ZNF385D: variants seen among roughly 807,000 people sequenced by gnomAD.
The protein encoded by ZNF385D is zinc finger protein 659.
A neutral mutation model predicts 35.8 loss-of-function variants in ZNF385D; 15 were observed. The ratio of observed to expected loss-of-function variants is 0.42; its 90% CI spans 0.28 to 0.64. The LOEUF (loss-of-function observed/expected upper bound fraction) is 0.64. Ranked by LOEUF, ZNF385D falls within the 30% of genes least tolerant of loss-of-function variation. ZNF385D has a pLI of 0.23. For synonymous variants in ZNF385D, 212 were observed against 186.8 expected (o/e 1.13, Z -1.10); for missense variants, 474 against 494.6 (o/e 0.96, Z 0.39).
chr3:21,518,011 T>C (rs1380013771), intron 3 of ZNF385D, among the ~76,000 whole-genome samples: 4 of 152,138 alleles, frequency 2.6e-5, no homozygotes, highest in Non-Finnish European at 5.9e-5. Flanking sequence ...GGCTCAGTAA[T>C]GGGTACTTTA....
At chr3:22,060,042 G>T (rs982867515) in intron 3 of ZNF385D, among the ~76,000 whole-genome samples, 1 of 152,142 alleles carries the variant, frequency 6.6e-6, no homozygotes, top group African/African-American at 2.4e-5. Context: ...GGGAGCTACT[G>T]GTTCTCAGAC....
intron 3 of ZNF385D, among the ~76,000 whole-genome samples, chr3:21,964,852 T>G (rs1259360530): frequency 6.6e-6 from 1 of 152,072 alleles, no homozygotes; most frequent in East Asian, 1.9e-4. Context: ...TAATAATTTC[T>G]ATTCTTATTA....
intron 3 of ZNF385D, among the ~76,000 whole-genome samples, chr3:21,782,671 C>T (rs183748782): frequency 6.6e-6 from 1 of 152,040 alleles, no homozygotes; most frequent in Non-Finnish European, 1.5e-5. Context: ...ACAAATGTAA[C>T]TCTATTTTTC....
intron 3 of ZNF385D, among the ~76,000 whole-genome samples, chr3:22,090,331 A>T (rs1268558887): frequency 1.3e-5 from 2 of 152,158 alleles, no homozygotes; most frequent in Non-Finnish European, 2.9e-5. Flanking sequence ...GGCATGTGTG[A>T]CATCACAATT....
rs149517600 is a variant in ZNF385D, at chr3:21,979,229, C to G, written c.325+189588G>C. Among the ~76,000 whole-genome samples, 922 of 152,016 alleles carry G rather than the reference C, an allele frequency of 6.1e-3. 10 individuals are homozygous for G. The highest frequency in any genetic ancestry group is 0.021 in the African/African-American group (882 of 41,456). ...GGACCATGGGGTATTTTGTTATTGC[C>G]CTGTATAACTGCACCAAACAGAAGG... On this transcript the variant is annotated intron_variant, in intron 3 of 5. Transcript: ENST00000494108.
chr3:21,737,041 G>A (rs2069277674), intron 1 of ZNF385D, among the ~76,000 whole-genome samples: 2 of 152,166 alleles, frequency 1.3e-5, no homozygotes, highest in Non-Finnish European at 2.9e-5. Context: ...CTGGGTTCAA[G>A]TGAATCTTCT....
chr3:21,833,200 C>A (rs1385304505), intron 3 of ZNF385D, among the ~76,000 whole-genome samples: 4 of 152,114 alleles, frequency 2.6e-5, no homozygotes, highest in Non-Finnish European at 4.4e-5. Context: ...TTCTTTTAAT[C>A]AGATTTTTAG....
At chr3:22,098,849 C>T (rs374587444) in intron 3 of ZNF385D, among the ~76,000 whole-genome samples, 13 of 151,476 alleles carry the variant, frequency 8.6e-5, no homozygotes, top group Non-Finnish European at 1.2e-4. Context: ...GAAAAACAGG[C>T]GAATATAGAA....
intron 2 of ZNF385D, among the ~76,000 whole-genome samples, chr3:22,311,022 T>C (rs1261595271): frequency 2.0e-5 from 3 of 151,882 alleles, no homozygotes; most frequent in Non-Finnish European, 4.4e-5. Context: ...TTGAATCATA[T>C]GATACTACGA....
At chr3:22,015,839 G>T (rs1271901886) in intron 3 of ZNF385D, among the ~76,000 whole-genome samples, 1 of 152,066 alleles carries the variant, frequency 6.6e-6, no homozygotes, top group East Asian at 1.9e-4. Context: ...CTATGCCAAA[G>T]TTCTAGAGGA....
chr3:22,334,715 C>G (rs1257012124), intron 2 of ZNF385D, among the ~76,000 whole-genome samples: 1 of 152,042 alleles, frequency 6.6e-6, no homozygotes, highest in Non-Finnish European at 1.5e-5. Context: ...ACATTTTACC[C>G]TACTTTTATT....
rs566203528 is a variant in ZNF385D, at chr3:21,711,215, G to C, written c.22+39680C>G. Among the ~76,000 whole-genome samples, 9 of 151,302 alleles carry C rather than the reference G, an allele frequency of 5.9e-5. No individual in the cohort carries two copies. In the East Asian group the frequency reaches 1.8e-3, roughly 30 times the overall value. On this transcript the variant is annotated intron_variant, in intron 1 of 7. Coordinates refer to ENST00000281523, the MANE Select transcript of ZNF385D (RefSeq NM_024697.3). ...CACCATCACGCCCGGCTAATTTTTG[G>C]TATTTTTAGTAGAGTCAGGGTTTCA... is the stretch of plus-strand genomic sequence containing the variant.
chr3:21,628,046 G>C (rs1229412286), intron 2 of ZNF385D, among the ~76,000 whole-genome samples: 1 of 152,078 alleles, frequency 6.6e-6, no homozygotes, highest in African/African-American at 2.4e-5. Context: ...GCTTGAATGA[G>C]TTTACTACTG....
intron 2 of ZNF385D, among the ~76,000 whole-genome samples, chr3:22,185,810 A>G (rs180758323): frequency 1.6e-3 from 249 of 152,264 alleles, no homozygotes; most frequent in African/African-American, 5.6e-3. Flanking sequence ...CACCTGGAAA[A>G]GCACCCTGGG....
intron 2 of ZNF385D, among the ~76,000 whole-genome samples, chr3:21,663,575 G>A (rs1299151500): frequency 1.3e-5 from 2 of 151,922 alleles, no homozygotes; most frequent in African/African-American, 2.4e-5. Context: ...AGTCATTTAG[G>A]AATAAGGGAA....
chr3:21,814,110 G>C (rs1050066045), intron 3 of ZNF385D, among the ~76,000 whole-genome samples: 5 of 152,136 alleles, frequency 3.3e-5, no homozygotes, highest in Admixed American at 6.5e-5. Flanking sequence ...AGCTTCATAA[G>C]TGAAGGAGAA....
At chr3:21,621,263 A>G (rs976583816) in intron 2 of ZNF385D, among the ~76,000 whole-genome samples, 3 of 152,174 alleles carry the variant, frequency 2.0e-5, no homozygotes, top group African/African-American at 7.2e-5. Context: ...CAGTCTGAAT[A>G]CAGCTGTACT....
intron 3 of ZNF385D, among the ~76,000 whole-genome samples, chr3:21,771,166 C>T (rs1450672320): frequency 6.6e-6 from 1 of 151,506 alleles, no homozygotes; most frequent in African/African-American, 2.4e-5. Flanking sequence ...GTGCAGCACA[C>T]CAACATGGCA....
At chr3:22,136,923 A>G (rs1170802214) in intron 3 of ZNF385D, among the ~76,000 whole-genome samples, 1 of 152,112 alleles carries the variant, frequency 6.6e-6, no homozygotes, top group East Asian at 1.9e-4. Context: ...GATTCTAGAG[A>G]AGGAATAGAG....
Sources: gnomAD v4.1 joint callset for allele counts (sites outside exome capture counted in the v4.1 genomes callset) on GRCh38, gnomAD v4.1.1 for gene constraint, MANE v1.5 for transcripts, NCBI Gene and HGNC (gene_info 2026-07-23, HGNC 2026-07-21) for gene names.